LRRN2: variants seen among roughly 807,000 people sequenced by gnomAD.
LRRN2 encodes leucine-rich repeat neuronal protein 2.
In LRRN2, 10 loss-of-function variants were observed where a neutral mutation model predicts 35.7. The ratio of observed to expected loss-of-function variants is 0.28; its 90% CI spans 0.17 to 0.47. The LOEUF is 0.47. LRRN2 is among the 20% of genes least tolerant of loss of function. The probability of loss-of-function intolerance (pLI) is 0.99; values close to 1 mark genes in which losing one functional copy is unlikely to be tolerated. For missense variants in LRRN2, 731 were observed against 940.3 expected, an observed-to-expected ratio of 0.78 and a Z score of 2.91; for synonymous variants, 391 against 409.6, an observed-to-expected ratio of 0.95 and a Z score of 0.55.
chr1:204,653,557 G>A (rs1668279250), intron 1 of LRRN2, among the ~76,000 whole-genome samples: 1 of 152,084 alleles, frequency 6.6e-6, no homozygotes, highest in African/African-American at 2.4e-5. Flanking sequence ...TTTATAAATG[G>A]GAATCTAAAA....
In LRRN2 at chr1:204,633,461, C is replaced by T. The variant is rs1257732283; in HGVS notation, c.-226-13243G>A. Among the ~76,000 whole-genome samples the T allele has an allele frequency of 7.9e-5, 12 of 152,288 alleles. No homozygotes were observed. The South Asian group carries it at 1.2e-3, about 16-fold the overall frequency. ...TGAGGCCAGAAGATACAGTATGCTT[C>T]CAAGTCCAGTCTTTATTTTTCCAGT... On this transcript the variant is annotated intron_variant, in intron 1 of 1. Coordinates refer to ENST00000367177, the MANE Select transcript of LRRN2 (RefSeq NM_201630.2).
chr1:204,660,363 C>T (rs1191212027), intron 1 of LRRN2, among the ~76,000 whole-genome samples: 1 of 152,166 alleles, frequency 6.6e-6, no homozygotes, highest in Admixed American at 6.5e-5. Flanking sequence ...CTCCTCTGGA[C>T]TGGGAGTTCC....
At chr1:204,669,798 TG>T (rs1418512793) in intron 1 of LRRN2, among the ~76,000 whole-genome samples, 2 of 152,144 alleles carry the variant, frequency 1.3e-5, no homozygotes, top group Non-Finnish European at 2.9e-5. Flanking sequence ...GGAGTGGGGA[TG>T]CCTCAGTGCA....
chr1:204,654,562 C>A (rs1194140310), intron 1 of LRRN2, among the ~76,000 whole-genome samples: 1 of 152,124 alleles, frequency 6.6e-6, no homozygotes, highest in African/African-American at 2.4e-5. Flanking sequence ...CTTTTTGCAT[C>A]CCCTGATCAA....
intron 1 of LRRN2, among the ~76,000 whole-genome samples, chr1:204,637,484 C>G (rs963114141): frequency 9.2e-5 from 14 of 152,180 alleles, no homozygotes; most frequent in African/African-American, 3.4e-4. Flanking sequence ...GCCCTGAGTG[C>G]CAAGGGCTGT....
intron 1 of LRRN2, among the ~76,000 whole-genome samples, chr1:204,623,685 T>A (rs1667092462): frequency 6.6e-6 from 1 of 152,226 alleles, no homozygotes; most frequent in Non-Finnish European, 1.5e-5. Context: ...GCTAATTGTC[T>A]TTCATCTGTA....
intron 1 of LRRN2, among the ~76,000 whole-genome samples, chr1:204,625,023 C>G (rs1243224181): frequency 6.6e-6 from 1 of 152,230 alleles, no homozygotes; most frequent in African/African-American, 2.4e-5. Flanking sequence ...CCTGGCCCCT[C>G]ACTTCCACCT....
intron 1 of LRRN2, among the ~76,000 whole-genome samples, chr1:204,625,484 T>A (rs1479197342): frequency 6.7e-6 from 1 of 149,132 alleles, no homozygotes; most frequent in East Asian, 2.0e-4. Flanking sequence ...GTATAACATA[T>A]GTACGGGAGA....
intron 1 of LRRN2, among the ~76,000 whole-genome samples, chr1:204,674,620 G>C (rs1326223961): frequency 6.6e-6 from 1 of 152,218 alleles, no homozygotes; most frequent in Admixed American, 6.5e-5. Context: ...AGCTTGTTAT[G>C]GGTGATAAAT....
chr1:204,676,207 G>C (rs570564015), intron 1 of LRRN2, among the ~76,000 whole-genome samples: 15 of 151,566 alleles, frequency 9.9e-5, no homozygotes, highest in Non-Finnish European at 1.9e-4. Flanking sequence ...GTTGCAAAAG[G>C]CATGCCAATC....
chr1:204,632,784 A>AG (rs1235851076), intron 1 of LRRN2, among the ~76,000 whole-genome samples: 1 of 151,892 alleles, frequency 6.6e-6, no homozygotes, highest in Non-Finnish European at 1.5e-5. Flanking sequence ...ACAAAAAAAA[A>AG]TTAGCCAGGC....
intron 1 of LRRN2, among the ~76,000 whole-genome samples, chr1:204,631,237 G>T (rs1667683535): frequency 1.1e-5 from 1 of 92,658 alleles, no homozygotes; most frequent in African/African-American, 3.7e-5. Context: ...AAACCAAGAA[G>T]AGTGATACCT....
At chr1:204,652,548 G>A (rs1309724888) in intron 1 of LRRN2, among the ~76,000 whole-genome samples, 2 of 152,060 alleles carry the variant, frequency 1.3e-5, no homozygotes, top group Non-Finnish European at 2.9e-5. Flanking sequence ...TGCCTACTTT[G>A]CAGGGTGGTG....
chr1:204,663,172 G>A (rs1668506149), intron 1 of LRRN2, among the ~76,000 whole-genome samples: 1 of 152,224 alleles, frequency 6.6e-6, no homozygotes, highest in Non-Finnish European at 1.5e-5. Context: ...ATACTGGGCA[G>A]AAGGGCAGGG....
chr1:204,677,194 C>T (rs1350901490), intron 1 of LRRN2, among the ~76,000 whole-genome samples: 1 of 152,238 alleles, frequency 6.6e-6, no homozygotes, highest in Non-Finnish European at 1.5e-5. Context: ...CCAATGCCAA[C>T]TGATTCCACT....
chr1:204,661,003 G>A (rs1473450086), intron 1 of LRRN2, among the ~76,000 whole-genome samples: 1 of 152,198 alleles, frequency 6.6e-6, no homozygotes, highest in African/African-American at 2.4e-5. Flanking sequence ...GGGGCCGAAT[G>A]TGATCTCCCC....
chr1:204,640,925 G>A (rs1322897990), intron 1 of LRRN2, among the ~76,000 whole-genome samples: 1 of 151,772 alleles, frequency 6.6e-6, no homozygotes, highest in South Asian at 2.1e-4. Context: ...AGCATTTGAG[G>A]GTTTGGCATT....
rs142829456 is a variant in LRRN2 at position 204,619,159 on chromosome 1, C to T, written c.834G>A (p.Pro278=). The T allele has an allele frequency of 2.6e-4, 427 of 1,614,056 alleles. 1 individual carries two copies. In the African/African-American group the frequency reaches 4.6e-3, roughly 17 times the overall value. The part of the protein sequence containing the change: ...LNKNPLQRVG[P]GDFANMLHLK... ...GGTGCAGCATGTTGGCAAAGTCCCC[C>T]GGCCCTACCCGCTGGAGCGGGTTCT... The change falls in exon 2 of 2, where the codon CCG becomes CCA. Residue 278 remains proline (P), a synonymous_variant. Transcript: ENST00000367177.
intron 1 of LRRN2, among the ~76,000 whole-genome samples, chr1:204,633,943 C>CA (rs1667770098): frequency 6.6e-6 from 1 of 152,238 alleles, no homozygotes; most frequent in African/African-American, 2.4e-5. Flanking sequence ...CACACCCATC[C>CA]ACGCCTTCCA....
Sources: allele counts gnomAD v4.1 joint callset (sites outside exome capture counted in the v4.1 genomes callset), GRCh38; gene constraint gnomAD v4.1.1; transcripts MANE v1.5; gene names NCBI Gene and HGNC (gene_info 2026-07-23, HGNC 2026-07-21).